SMOC2: variants seen among roughly 807,000 people sequenced by gnomAD.
The protein encoded by SMOC2 is SPARC related modular calcium binding 2, also known as SPARC-related modular calcium-binding protein 2.
In SMOC2, 39 loss-of-function variants were observed where a neutral mutation model predicts 61.4. That is an observed-to-expected ratio of 0.64 (90% confidence interval 0.49 to 0.83). The LOEUF (loss-of-function observed/expected upper bound fraction) is 0.83. SMOC2 is among the 40% of genes least tolerant of loss of function. The pLI is 0.00. For missense variants in SMOC2, 556 were observed against 592.9 expected, an observed-to-expected ratio of 0.94 and a Z score of 0.65; for synonymous variants, 247 against 239.9, an observed-to-expected ratio of 1.03 and a Z score of -0.27.
chr6:168,583,009 C>CA (rs950441920), intron 7 of SMOC2, among the ~76,000 whole-genome samples: 1 of 152,180 alleles, frequency 6.6e-6, no homozygotes, highest in African/African-American at 2.4e-5. Context: ...GTCACCTTCA[C>CA]AGAGGCTGCC....
intron 7 of SMOC2, among the ~76,000 whole-genome samples, chr6:168,597,996 A>G (rs111647503): frequency 0.01 from 1,582 of 152,370 alleles, 27 homozygotes; most frequent in African/African-American, 0.034. Context: ...ACATGGCAAT[A>G]TGAGGTCCTA....
intron 1 of SMOC2, among the ~76,000 whole-genome samples, chr6:168,506,758 TAA>T (rs1417035786): frequency 6.6e-6 from 1 of 152,250 alleles, no homozygotes; most frequent in East Asian, 1.9e-4. Context: ...GGTTTTTTAA[TAA>T]AGTCACTCGA....
intron 8 of SMOC2, among the ~76,000 whole-genome samples, 185 bp downstream of exon 8, chr6:168,599,189 ACTC>A (rs748897315): frequency 3.9e-4 from 53 of 137,216 alleles, no homozygotes; most frequent in Non-Finnish European, 7.8e-5. Context: ...ACCCACACAC[ACTC>A]ATACCACACA....
chr6:168,641,153 A>G (rs769287799), intron 9 of SMOC2, among the ~76,000 whole-genome samples: 1 of 152,204 alleles, frequency 6.6e-6, no homozygotes, highest in Non-Finnish European at 1.5e-5. Flanking sequence ...AGGCTTTGAC[A>G]CCAGAAATAA....
Position 168,527,871 on chromosome 6 carries a change from G to A in SMOC2, c.463+144G>A, listed in dbSNP as rs1286717887. 10 of 647,390 alleles carry A rather than the reference G, an allele frequency of 1.5e-5. 1 individual carries two copies. The highest frequency in any genetic ancestry group is 3.6e-5 in the South Asian group (2 of 55,572). The allele number at this position is 647,390 out of a possible 1,614,324, so 40.1% of individuals were successfully genotyped here. ...GTGAGCCACAGTGGGAATAGATCTC[G>A]TCACTGACAAAGCCTACATTTTAGG... On this transcript the variant is annotated intron_variant, in intron 4 of 12. Coordinates refer to ENST00000356284, the MANE Select transcript of SMOC2 (RefSeq NM_001166412.2).
At chr6:168,541,774 G>C (rs1235896024) in intron 4 of SMOC2, among the ~76,000 whole-genome samples, 1 of 152,178 alleles carries the variant, frequency 6.6e-6, no homozygotes, top group South Asian at 2.1e-4. Flanking sequence ...TGAAGAACAA[G>C]ATCAGATTAA....
At chr6:168,563,225 C>A (rs1784462310) in intron 7 of SMOC2, among the ~76,000 whole-genome samples, 1 of 152,158 alleles carries the variant, frequency 6.6e-6, no homozygotes, top group African/African-American at 2.4e-5. Context: ...TATGGCATTC[C>A]TGAGCTTAAG....
chr6:168,658,742 C>T (rs1464236070), intron 11 of SMOC2, among the ~76,000 whole-genome samples: 6 of 152,130 alleles, frequency 3.9e-5, no homozygotes, highest in Non-Finnish European at 5.9e-5. Context: ...CGGGATGAAA[C>T]GATTTCAAGA....
At chr6:168,466,001 G>A (rs1349074611) in intron 1 of SMOC2, among the ~76,000 whole-genome samples, 1 of 108,126 alleles carries the variant, frequency 9.2e-6, no homozygotes, top group African/African-American at 3.7e-5. Context: ...GTGCTGCTCT[G>A]AGAGCTGGAA....
intron 2 of SMOC2, among the ~76,000 whole-genome samples, chr6:168,520,650 TG>T (rs1185012472): frequency 6.6e-6 from 1 of 152,270 alleles, no homozygotes; most frequent in Non-Finnish European, 1.5e-5. Context: ...TCATTACCTG[TG>T]TCCCAAAGTT....
chr6:168,532,671 T>C (rs1414078674), intron 4 of SMOC2, among the ~76,000 whole-genome samples: 2 of 152,244 alleles, frequency 1.3e-5, no homozygotes, highest in African/African-American at 4.8e-5. Context: ...TGCAAGATTT[T>C]TTAATATTAC....
At chr6:168,578,809 G>C (rs916821127) in intron 7 of SMOC2, among the ~76,000 whole-genome samples, 1 of 152,320 alleles carries the variant, frequency 6.6e-6, no homozygotes, top group Non-Finnish European at 1.5e-5. Flanking sequence ...GGAGTTTGGG[G>C]CATGACAGTC....
intron 9 of SMOC2, among the ~76,000 whole-genome samples, chr6:168,616,744 C>G (rs1786104007): frequency 6.6e-6 from 1 of 152,170 alleles, no homozygotes; most frequent in Non-Finnish European, 1.5e-5. Context: ...AATAAAAACT[C>G]AGAAAAACCA....
At chr6:168,547,057 A>G (rs753567777) in intron 5 of SMOC2, 62 bp from the exon 6 acceptor site, 1 of 1,607,090 alleles carries the variant, frequency 6.2e-7, no homozygotes, top group Non-Finnish European at 8.5e-7. Context: ...CCGTATGCAC[A>G]CTTACTTAAC....
At chr6:168,441,605 G>C in intron 1 of SMOC2, 151 bp downstream of exon 1, 1 of 1,175,008 alleles carries the variant, frequency 8.5e-7, no homozygotes, top group Non-Finnish European at 1.1e-6. Context: ...CTGCCGGCGA[G>C]GCTGGAGCAG....
At chr6:168,598,317 T>G (rs2115183869) in intron 7 of SMOC2, among the ~76,000 whole-genome samples, 1 of 152,308 alleles carries the variant, frequency 6.6e-6, no homozygotes, top group African/African-American at 2.4e-5. Flanking sequence ...ATGAACCGCA[T>G]GTTGAGAATG....
intron 1 of SMOC2, among the ~76,000 whole-genome samples, chr6:168,497,496 G>T (rs1782620250): frequency 7.0e-6 from 1 of 143,196 alleles, no homozygotes; most frequent in African/African-American, 2.4e-5. Context: ...GGGTCTTCTT[G>T]AGTGCCCTCT....
At chr6:168,501,449 T>C (rs183309620) in intron 1 of SMOC2, among the ~76,000 whole-genome samples, 12 of 151,742 alleles carry the variant, frequency 7.9e-5, no homozygotes, top group African/African-American at 1.9e-4. Context: ...CATCCCTCGC[T>C]ATGGGGCCAG....
intron 1 of SMOC2, among the ~76,000 whole-genome samples, chr6:168,464,203 GAGGA>G (rs1308403986): frequency 3.0e-4 from 34 of 112,208 alleles, no homozygotes; most frequent in Non-Finnish European, 5.3e-4. Context: ...AAAAAAAAAA[GAGGA>G]AGGAAGAAAG....
Sources: allele counts gnomAD v4.1 joint callset (sites outside exome capture counted in the v4.1 genomes callset), GRCh38; gene constraint gnomAD v4.1.1; transcripts MANE v1.5; gene names NCBI Gene and HGNC (gene_info 2026-07-23, HGNC 2026-07-21).